CLEC17A: variants seen among roughly 807,000 people sequenced by gnomAD.
CLEC17A encodes C-type lectin domain containing 17A.
In CLEC17A, 37 loss-of-function variants were observed where a neutral mutation model predicts 61.3. The observed-to-expected ratio is 0.60, with a 90% CI of 0.46 to 0.79. The LOEUF is 0.79. CLEC17A is among the 30% of genes least tolerant of loss of function. The pLI, the probability that CLEC17A is intolerant of heterozygous loss-of-function variation, is 0.00. For synonymous variants in CLEC17A, 168 were observed against 164.9 expected (o/e 1.02, Z -0.14); for missense variants, 418 against 464.7 (o/e 0.90, Z 0.92).
At chr19:14,597,592 G>A (rs2074579915) in intron 10 of CLEC17A, among the ~76,000 whole-genome samples, 3 of 152,164 alleles carry the variant, frequency 2.0e-5, no homozygotes, top group South Asian at 4.1e-4. Flanking sequence ...TTAGCCGGGT[G>A]TGGTGGTGTG....
Position 14,600,836 on chromosome 19 carries a change from G to T in CLEC17A, c.894+654G>T, listed in dbSNP as rs548599136. On this transcript the variant is annotated intron_variant, in intron 12 of 13. Transcript: ENST00000417570. The stretch of plus-strand genomic sequence containing the variant: ...GATCTCCTGACCTCGTGATCTGCCC[G>T]CCTCGGCCTCCCAAAGTGCTGGGAT... Among the ~76,000 whole-genome samples the T allele has an allele frequency of 1.0e-3, 149 of 146,804 alleles. 1 individual carries two copies. Among genetic ancestry groups the T allele is most frequent in the African/African-American group, 3.4e-3 (136 of 39,888 alleles).
chr19:14,582,379 A>T (rs1294614835), upstream of CLEC17A, among the ~76,000 whole-genome samples: 5 of 151,266 alleles, frequency 3.3e-5, no homozygotes, highest in African/African-American at 1.2e-4. Context: ...CACCCAGCTA[A>T]TTTTTTGTAT....
Position 14,595,684 on chromosome 19 carries a change from G to A in CLEC17A, c.445+369G>A, listed in dbSNP as rs369328221. 1.5e-3 allele frequency among the ~76,000 whole-genome samples: 223 copies of A among 145,586 alleles called. 5 individuals are homozygous for A. The South Asian group carries it at 0.047, about 31-fold the overall frequency. On this transcript the variant is annotated intron_variant, in intron 8 of 13. Transcript: ENST00000417570. ...TAACGATGGTAGAGGTAGTGATGGC[G>A]TTGTTGTGTGCTGATGGTGATGGTG...
intron 10 of CLEC17A, among the ~76,000 whole-genome samples, chr19:14,598,695 G>A (rs1310364473): frequency 1.3e-5 from 2 of 151,964 alleles, no homozygotes; most frequent in African/African-American, 2.4e-5. Flanking sequence ...GGCTGGTCTC[G>A]AACTCCTGAC....
chr19:14,583,553 A>ATGG, intron 2 of CLEC17A, 119 bp downstream of exon 2: 2 of 1,536,428 alleles, frequency 1.3e-6, no homozygotes, highest in Non-Finnish European at 1.8e-6. Context: ...CATGCCGGGC[A>ATGG]CTGTGGAACC....
At chr19:14,607,787 G>C (rs1250245378) in intron 13 of CLEC17A, among the ~76,000 whole-genome samples, 1 of 151,142 alleles carries the variant, frequency 6.6e-6, no homozygotes, top group African/African-American at 2.4e-5. Flanking sequence ...TGTTGGCCAG[G>C]CTGGTCTTGA....
At chr19:14,598,305 T>TCTC (rs1491225144) in intron 10 of CLEC17A, among the ~76,000 whole-genome samples, 1 of 40,752 alleles carries the variant, frequency 2.5e-5, no homozygotes, top group Non-Finnish European at 4.3e-5. Flanking sequence ...GTTCTTTCTT[T>TCTC]CTCTCTCTCT....
At position 14,595,278 on chromosome 19, in the gene CLEC17A, G is replaced by T; in HGVS notation, c.408G>T (p.Val136=). The part of the protein sequence containing the change: ...AVTCPPPQLA[V]NLEPSPLQPS... ...CTCTCTCCCCCTTTCTCCCAGCTGTGAATCTTGAGCCTTCTCCATTGCAGC... is the reference window on the plus strand; with the variant it reads ...CTCTCTCCCCCTTTCTCCCAGCTGTTAATCTTGAGCCTTCTCCATTGCAGC... The change falls in exon 8 of 14, where the codon GTG becomes GTT. Residue 136 remains valine, a synonymous_variant. Transcript: ENST00000417570. The T allele has an allele frequency of 1.2e-6, 2 of 1,613,960 alleles. No individual in the cohort carries two copies. The highest frequency in any genetic ancestry group is 1.7e-6 in the Non-Finnish European group (2 of 1,179,856).
chr19:14,599,615 G>A (rs749125281), intron 10 of CLEC17A, 102 bp from the exon 11 acceptor site: 2 of 822,730 alleles, frequency 2.4e-6, no homozygotes. Flanking sequence ...GACACAGTGG[G>A]GAACACAACC....
chr19:14,606,883 TG>T (rs1438005596), intron 12 of CLEC17A, 109 bp from the exon 13 acceptor site: 16 of 392,096 alleles, frequency 4.1e-5, no homozygotes, highest in Non-Finnish European at 5.7e-5. Flanking sequence ...GGACGGGTTG[TG>T]GGAGGTGACG....
chr19:14,597,332 T>C (rs11878770), intron 10 of CLEC17A, among the ~76,000 whole-genome samples, 171 bp downstream of exon 10: 75,634 of 151,894 alleles, frequency 0.5, 21,084 homozygotes, highest in African/African-American at 0.77. Context: ...CTGTGTGAAG[T>C]GTGCATGTGT....
At chr19:14,587,522 C>T in intron 2 of CLEC17A, 92 bp from the exon 3 acceptor site, 2 of 1,378,362 alleles carry the variant, frequency 1.5e-6, no homozygotes, top group South Asian at 1.4e-5. Context: ...GGTACAGAAT[C>T]CCCATCATGG....
chr19:14,600,641 G>A (rs1367514889), intron 12 of CLEC17A, among the ~76,000 whole-genome samples: 1 of 151,514 alleles, frequency 6.6e-6, no homozygotes, highest in Non-Finnish European at 1.5e-5. Flanking sequence ...GAGTGCAGTG[G>A]CTGGATCTTG....
At chr19:14,594,144 G>A (rs553667059) in intron 4 of CLEC17A, among the ~76,000 whole-genome samples, 1 of 151,968 alleles carries the variant, frequency 6.6e-6, no homozygotes, top group African/African-American at 2.4e-5. Flanking sequence ...TTAGCTGGGC[G>A]TGGTAGCATA....
At chr19:14,607,466 G>T (rs1366417105) in intron 13 of CLEC17A, among the ~76,000 whole-genome samples, 2 of 151,886 alleles carry the variant, frequency 1.3e-5, no homozygotes, top group Non-Finnish European at 2.9e-5. Flanking sequence ...GCCTCCCAAA[G>T]TGCTGGGATT....
At chr19:14,585,090 A>G (rs565357991) in intron 2 of CLEC17A, among the ~76,000 whole-genome samples, 32 of 152,260 alleles carry the variant, frequency 2.1e-4, no homozygotes, top group Non-Finnish European at 4.1e-4. Context: ...TTCTCCTTTC[A>G]ATCAAACCCT....
chr19:14,610,337 A>G lies in CLEC17A; in HGVS notation c.*141A>G. 3 of 1,201,644 alleles carry G rather than the reference A, an allele frequency of 2.5e-6. No individual in the cohort carries two copies. Among genetic ancestry groups the G allele is most frequent in the Non-Finnish European group, 3.4e-6 (3 of 869,718 alleles). The allele number at this position is 1,201,644 out of a possible 1,614,324, so 74.4% of individuals were successfully genotyped here. ...CAGGATTGGCACCCTGGATGCAGCA[A>G]GTTCCCAGGGGTGCAAGTCAGGCTG... On this transcript the variant is annotated 3_prime_UTR_variant, in exon 14 of 14. Coordinates refer to ENST00000417570, the MANE Select transcript of CLEC17A (RefSeq NM_001204118.2).
At chr19:14,598,170 A>C (rs1439498426) in intron 10 of CLEC17A, among the ~76,000 whole-genome samples, 1 of 152,132 alleles carries the variant, frequency 6.6e-6, no homozygotes, top group Non-Finnish European at 1.5e-5. Flanking sequence ...GGATCCACAT[A>C]TTAGGCTGGG....
intron 12 of CLEC17A, 129 bp downstream of exon 12, chr19:14,600,311 A>G (rs2074671953): frequency 3.6e-6 from 4 of 1,111,228 alleles, no homozygotes; most frequent in Non-Finnish European, 5.1e-6. Flanking sequence ...AAACTTTAAC[A>G]GCAAGCTCTT....
Sources: gnomAD v4.1 joint callset for allele counts (sites outside exome capture counted in the v4.1 genomes callset) on GRCh38, gnomAD v4.1.1 for gene constraint, MANE v1.5 for transcripts, NCBI Gene and HGNC (gene_info 2026-07-23, HGNC 2026-07-21) for gene names.